The following SLC5A4 variants were observed in gnomAD, a reference collection of about 807,000 sequenced individuals.
The protein encoded by SLC5A4 is solute carrier family 5 member 4.
SLC5A4 carries 55 observed loss-of-function variants against 70.3 expected under a neutral mutation model. The ratio of observed to expected loss-of-function variants is 0.78; its 90% CI spans 0.63 to 0.98. SLC5A4 has a LOEUF of 0.98. SLC5A4 is among the 50% of genes least tolerant of loss of function. The pLI is 0.00. For synonymous variants in SLC5A4, 268 were observed against 305.7 expected (o/e 0.88, Z 1.29); for missense variants, 735 against 839.2 (o/e 0.88, Z 1.53).
chr22:32,287,468 G>GAAAGTA, the SLC5A4 span, among the ~76,000 whole-genome samples: 1 of 127,286 alleles, frequency 7.9e-6, no homozygotes, highest in East Asian at 2.4e-4. Context: ...GTTTAAAAGT[G>GAAAGTA]TTTATTGCAG....
chr22:32,235,765 T>C (rs1926022175), intron 7 of SLC5A4, among the ~76,000 whole-genome samples: 1 of 152,154 alleles, frequency 6.6e-6, no homozygotes, highest in African/African-American at 2.4e-5. Context: ...GGTCCCTTAG[T>C]ATAGCTTTAA....
chr22:32,285,138 T>TAA, the SLC5A4 span: 1 of 152,216 alleles, frequency 6.6e-6, no homozygotes, highest in African/African-American at 2.4e-5. Flanking sequence ...AGTAGATGTG[T>TAA]GTGTATATAT....
Position 32,239,020 on chromosome 22 carries a change from A to C in SLC5A4, c.548T>G (p.Ile183Ser), listed in dbSNP as rs758435049. The stretch of plus-strand genomic sequence containing the variant: ...GTAAACAGCAGTCATAGCCAAGAGG[A>C]TGAAGATTGCCAGGTAAAGGTCCAA... ...LGLDLYLAIF[I>S]LLAMTAVYTT... The change falls in exon 6 of 15, where the codon ATC becomes AGC. Residue 183 changes from isoleucine to serine, a missense_variant. Coordinates refer to ENST00000266086, the MANE Select transcript of SLC5A4 (RefSeq NM_014227.3). 16 of 1,613,890 alleles carry C rather than the reference A, an allele frequency of 9.9e-6. No individual in the cohort carries two copies. Among genetic ancestry groups the C allele is most frequent in the African/African-American group, 2.7e-5 (2 of 74,920 alleles).
the SLC5A4 span, among the ~76,000 whole-genome samples, chr22:32,321,408 C>A: frequency 1.3e-5 from 2 of 151,950 alleles, no homozygotes; most frequent in African/African-American, 4.8e-5. Flanking sequence ...GCTGAGATCG[C>A]GCCACTGCAC....
At chr22:32,350,311 A>G in the SLC5A4 span, among the ~76,000 whole-genome samples, 4 of 152,190 alleles carry the variant, frequency 2.6e-5, no homozygotes, top group Non-Finnish European at 5.9e-5. Context: ...ATTCATGTAC[A>G]CATACAGTTA....
At chr22:32,272,279 C>T in the SLC5A4 span, 1 of 804,590 alleles carries the variant, frequency 1.2e-6, no homozygotes, top group South Asian at 1.4e-5. Context: ...AGAACAAGTT[C>T]AGAGTCCTTT....
chr22:32,313,068 G>T, the SLC5A4 span, among the ~76,000 whole-genome samples: 1 of 152,256 alleles, frequency 6.6e-6, no homozygotes, highest in African/African-American at 2.4e-5. Flanking sequence ...AAAAAGCATA[G>T]ACTAGGACTG....
the SLC5A4 span, among the ~76,000 whole-genome samples, chr22:32,323,505 G>A: frequency 2.6e-5 from 4 of 152,234 alleles, no homozygotes; most frequent in Non-Finnish European, 5.9e-5. Context: ...GGAAGAATGT[G>A]ACATGGACTC....
intron 5 of SLC5A4, among the ~76,000 whole-genome samples, chr22:32,242,906 T>C (rs1926618988): frequency 6.6e-6 from 1 of 152,148 alleles, no homozygotes. Flanking sequence ...ACCATCATAG[T>C]AAAGATTGGA....
intron 10 of SLC5A4, among the ~76,000 whole-genome samples, 183 bp from the exon 11 acceptor site, chr22:32,229,527 A>G (rs1273412866): frequency 1.3e-5 from 2 of 152,226 alleles, no homozygotes; most frequent in African/African-American, 4.8e-5. Flanking sequence ...TCCAGTATAA[A>G]TAAGTCAGGC....
chr22:32,312,370 C>T, the SLC5A4 span, among the ~76,000 whole-genome samples: 1 of 124,414 alleles, frequency 8.0e-6, no homozygotes, highest in Admixed American at 8.1e-5. Context: ...CGCGCGCACA[C>T]ACACACACAC....
At chr22:32,327,063 G>A in the SLC5A4 span, 1 of 152,240 alleles carries the variant, frequency 6.6e-6, no homozygotes, top group South Asian at 2.1e-4. Flanking sequence ...CTAAATCTAT[G>A]TTGTTTTAAG....
At chr22:32,263,283 G>A in the SLC5A4 span, among the ~76,000 whole-genome samples, 1 of 152,194 alleles carries the variant, frequency 6.6e-6, no homozygotes, top group African/African-American at 2.4e-5. Flanking sequence ...ACAGGCATGA[G>A]CCACTGAGCC....
At chr22:32,353,908 A>G in the SLC5A4 span, among the ~76,000 whole-genome samples, 6 of 150,958 alleles carry the variant, frequency 4.0e-5, no homozygotes, top group Admixed American at 6.6e-5. Context: ...AACCCCGGAT[A>G]GTGCCCCAAC....
the SLC5A4 span, among the ~76,000 whole-genome samples, chr22:32,306,862 T>C: frequency 2.0e-5 from 3 of 152,174 alleles, no homozygotes; most frequent in East Asian, 1.9e-4. Context: ...TGGGGAACAA[T>C]AGGAAGAAAC....
the SLC5A4 span, among the ~76,000 whole-genome samples, chr22:32,348,892 C>T: frequency 6.6e-6 from 1 of 152,168 alleles, no homozygotes; most frequent in South Asian, 2.1e-4. Context: ...AGTTAAGTTT[C>T]ATAAATGTCC....
intron 1 of SLC5A4, 75 bp downstream of exon 1, chr22:32,255,120 C>G: frequency 7.2e-7 from 1 of 1,393,070 alleles, no homozygotes; most frequent in Middle Eastern, 1.8e-4. Context: ...TTGTCACAAC[C>G]ACACCCCTTC....
At chr22:32,226,715 T>C (rs538805515) in intron 11 of SLC5A4, among the ~76,000 whole-genome samples, 8 of 152,336 alleles carry the variant, frequency 5.3e-5, no homozygotes, top group African/African-American at 1.9e-4. Flanking sequence ...AATCATGTGC[T>C]TTCCCAACTC....
the SLC5A4 span, chr22:32,272,234 T>C: frequency 1.3e-6 from 1 of 779,686 alleles, no homozygotes; most frequent in Admixed American, 1.8e-5. Context: ...TGGATGTGAC[T>C]GAGGTGGTGC....
Sources: gnomAD v4.1 joint callset for allele counts (sites outside exome capture counted in the v4.1 genomes callset) on GRCh38, gnomAD v4.1.1 for gene constraint, MANE v1.5 for transcripts, NCBI Gene and HGNC (gene_info 2026-07-23, HGNC 2026-07-21) for gene names.